The following MAGI2 variants were observed in gnomAD, a reference collection of about 807,000 sequenced individuals.
MAGI2 encodes the protein membrane-associated guanylate kinase, WW and PDZ domain-containing protein 2.
MAGI2 carries 35 observed loss-of-function variants against 133.3 expected under a neutral mutation model. The observed-to-expected ratio is 0.26, with a 90% CI of 0.20 to 0.35. MAGI2 has a LOEUF of 0.35. Among genes scored for constraint, MAGI2 ranks in the 10% least tolerant of loss-of-function variants. The pLI, the probability that MAGI2 is intolerant of heterozygous loss-of-function variation, is 1.00. For synonymous variants in MAGI2, 729 were observed against 710.6 expected, an observed-to-expected ratio of 1.03 and a Z score of -0.41; for missense variants, 1,636 against 1,863.4, an observed-to-expected ratio of 0.88 and a Z score of 2.25.
At chr7:78,765,343 C>CTTTTTTTTTTTTTTTTTTT (rs10672746) in intron 2 of MAGI2, among the ~76,000 whole-genome samples, 2 of 89,056 alleles carry the variant, frequency 2.2e-5, no homozygotes, top group East Asian at 4.1e-4. Flanking sequence ...TAGTGCACAT[C>CTTTTTTTTTTTTTTTTTTT]TTTTTTTTTT....
At chr7:78,492,399 C>T (rs1333670533) in intron 5 of MAGI2, among the ~76,000 whole-genome samples, 1 of 152,030 alleles carries the variant, frequency 6.6e-6, no homozygotes, top group Non-Finnish European at 1.5e-5. Flanking sequence ...TCTTAAACAT[C>T]ACATGAAGAT....
At chr7:79,129,259 C>T (rs964877209) in intron 1 of MAGI2, among the ~76,000 whole-genome samples, 1 of 152,064 alleles carries the variant, frequency 6.6e-6, no homozygotes, top group African/African-American at 2.4e-5. Flanking sequence ...ATGTTGAATA[C>T]CTTATGTAAT....
At chr7:78,593,308 C>T (rs1804241894) in intron 3 of MAGI2, among the ~76,000 whole-genome samples, 1 of 151,914 alleles carries the variant, frequency 6.6e-6, no homozygotes, top group African/African-American at 2.4e-5. Context: ...AGGAGAATGG[C>T]GTGAACCCGG....
At chr7:78,173,470 C>T (rs554381942) in intron 14 of MAGI2, among the ~76,000 whole-genome samples, 4 of 152,122 alleles carry the variant, frequency 2.6e-5, no homozygotes, top group Non-Finnish European at 5.9e-5. Context: ...TGGCTTCCCC[C>T]CAAAGCAGAC....
At chr7:78,160,728 CAGT>C (rs1180382006) in intron 15 of MAGI2, among the ~76,000 whole-genome samples, 1 of 152,194 alleles carries the variant, frequency 6.6e-6, no homozygotes, top group African/African-American at 2.4e-5. Flanking sequence ...AATGTTTTCT[CAGT>C]AGGTCTGGGC....
rs557910731 is a variant in MAGI2 at position 78,034,022 on chromosome 7, T to C, written c.3707-14046A>G. Reference sequence around the variant, plus strand: ...TAAACTACATGTGGATTACAACTTATTGTGGTGTTTTAGGTTCTTTTATCA... The same window carrying C: ...TAAACTACATGTGGATTACAACTTACTGTGGTGTTTTAGGTTCTTTTATCA... On this transcript the variant is annotated intron_variant, in intron 21 of 21. Transcript: ENST00000354212. 3.3e-3 allele frequency among the ~76,000 whole-genome samples: 504 copies of C among 152,274 alleles called. 5 individuals carry two copies. The highest frequency in any genetic ancestry group is 3.3e-3 in the Non-Finnish European group (222 of 68,028).
At chr7:78,211,181 G>A (rs771618189) in intron 10 of MAGI2, among the ~76,000 whole-genome samples, 29 of 152,062 alleles carry the variant, frequency 1.9e-4, no homozygotes, top group Non-Finnish European at 3.8e-4. Flanking sequence ...GGGAGAGGAG[G>A]CACCCAAATC....
chr7:78,081,178 T>G (rs1374575266), intron 20 of MAGI2, among the ~76,000 whole-genome samples: 1 of 152,208 alleles, frequency 6.6e-6, no homozygotes, highest in African/African-American at 2.4e-5. Flanking sequence ...AGCAGAGATG[T>G]CCACTCTCTC....
At chr7:78,499,260 T>C (rs1794410237) in intron 5 of MAGI2, among the ~76,000 whole-genome samples, 1 of 152,228 alleles carries the variant, frequency 6.6e-6, no homozygotes. Context: ...GAATGCTCTA[T>C]CTAGCCATTG....
intron 9 of MAGI2, among the ~76,000 whole-genome samples, chr7:78,287,953 G>A (rs1286455793): frequency 6.6e-6 from 1 of 152,056 alleles, no homozygotes. Flanking sequence ...CTTTCTATCA[G>A]GATATGTTCT....
At chr7:78,075,316 C>G (rs542468198) in intron 21 of MAGI2, among the ~76,000 whole-genome samples, 4 of 152,090 alleles carry the variant, frequency 2.6e-5, no homozygotes. Flanking sequence ...CTCCAGACCC[C>G]GCCTGTGTCT....
intron 1 of MAGI2, among the ~76,000 whole-genome samples, chr7:79,275,162 A>G (rs1253064693): frequency 6.6e-6 from 1 of 152,224 alleles, no homozygotes; most frequent in Non-Finnish European, 1.5e-5. Flanking sequence ...AAGATGGCAT[A>G]TCTAGTGATG....
intron 2 of MAGI2, among the ~76,000 whole-genome samples, chr7:78,994,551 T>C (rs975738379): frequency 1.3e-5 from 2 of 152,132 alleles, no homozygotes; most frequent in African/African-American, 2.4e-5. Context: ...TGGAGCCTCC[T>C]AAGATTTGCT....
At chr7:78,137,916 T>A in intron 16 of MAGI2, among the ~76,000 whole-genome samples, 1 of 41,410 alleles carries the variant, frequency 2.4e-5, no homozygotes, top group African/African-American at 9.0e-5. Context: ...AGCCAAGCAC[T>A]GTGCTAAGTG....
chr7:78,784,426 T>C (rs1317830934), intron 2 of MAGI2, among the ~76,000 whole-genome samples: 5 of 152,134 alleles, frequency 3.3e-5, no homozygotes, highest in African/African-American at 4.8e-5. Context: ...AAGCAGGTCA[T>C]AGAAACCAGA....
intron 9 of MAGI2, among the ~76,000 whole-genome samples, chr7:78,303,995 AT>A (rs1798059499): frequency 6.6e-6 from 1 of 152,138 alleles, no homozygotes; most frequent in Admixed American, 6.6e-5. Flanking sequence ...GTCTTTCCCA[AT>A]TCAGTTGATG....
chr7:78,477,149 T>A (rs943229156), intron 6 of MAGI2, among the ~76,000 whole-genome samples: 1 of 151,930 alleles, frequency 6.6e-6, no homozygotes, highest in Non-Finnish European at 1.5e-5. Flanking sequence ...GCTTCACCTT[T>A]CTATTTTGCT....
chr7:78,895,637 C>T, intron 2 of MAGI2, among the ~76,000 whole-genome samples: 1 of 152,032 alleles, frequency 6.6e-6, no homozygotes, highest in Non-Finnish European at 1.5e-5. Flanking sequence ...TGTGTGCAGG[C>T]AATTTAAATG....
intron 1 of MAGI2, among the ~76,000 whole-genome samples, chr7:79,138,941 A>C (rs1179681848): frequency 1.4e-5 from 2 of 145,176 alleles, no homozygotes; most frequent in Non-Finnish European, 3.0e-5. Context: ...ACAGCACTGC[A>C]TTCCAGCCTG....
Sources: allele counts gnomAD v4.1 joint callset (sites outside exome capture counted in the v4.1 genomes callset), GRCh38; gene constraint gnomAD v4.1.1; transcripts MANE v1.5; gene names NCBI Gene and HGNC (gene_info 2026-07-23, HGNC 2026-07-21).